Variants in LAMC3 observed in about 807,000 individuals in gnomAD.
The protein encoded by LAMC3 is laminin subunit gamma-3.
In LAMC3, 128 loss-of-function variants were observed where a neutral mutation model predicts 173.8. That is an observed-to-expected ratio of 0.74 (90% CI 0.64 to 0.85). LAMC3 has a LOEUF of 0.85. Among genes scored for constraint, LAMC3 ranks in the 40% least tolerant of loss-of-function variants. The pLI is 0.00. For synonymous variants in LAMC3, 897 were observed against 909.1 expected (o/e 0.99, Z 0.24); for missense variants, 2,022 against 2,156.0 (o/e 0.94, Z 1.23).
At chr9:131,054,003 T>TAAA (rs767164633) in intron 11 of LAMC3, among the ~76,000 whole-genome samples, 1 of 130,322 alleles carries the variant, frequency 7.7e-6, no homozygotes, top group African/African-American at 2.8e-5. Context: ...ACCTTGTCTC[T>TAAA]AAAAAAAAAA....
rs1005454673 is a variant in LAMC3, at chr9:131,029,999, G to C, written c.679-2046G>C. On this transcript the variant is annotated intron_variant, in intron 2 of 27. Transcript: ENST00000361069. This position sits in a 1 kb window ranked among gnomAD's most constrained non-coding sequence, Gnocchi z 4.6. ...TCTGTCGCCCAGGCTGGAGTGCAGTGGCACGATCTTGGCTCACCGCAACCT... is the reference window on the plus strand; with the variant it reads ...TCTGTCGCCCAGGCTGGAGTGCAGTCGCACGATCTTGGCTCACCGCAACCT... 6.6e-6 allele frequency among the ~76,000 whole-genome samples: 1 copy of C among 150,850 alleles called. No homozygotes were observed. Among genetic ancestry groups the C allele is most frequent in the African/African-American group, 2.5e-5 (1 of 40,722 alleles).
intron 24 of LAMC3, 143 bp from the exon 25 acceptor site, chr9:131,085,381 C>CG: frequency 1.3e-6 from 1 of 774,214 alleles, no homozygotes; most frequent in Non-Finnish European, 2.3e-6. Context: ...CCTGAGAAGG[C>CG]GATATGCACG....
intron 24 of LAMC3, among the ~76,000 whole-genome samples, chr9:131,082,683 G>A (rs1216601246): frequency 6.6e-6 from 1 of 152,206 alleles, no homozygotes; most frequent in African/African-American, 2.4e-5. Flanking sequence ...CAAGTATTAC[G>A]ATTCTGCAAG....
chr9:131,079,116 C>T (rs1481116314), intron 22 of LAMC3, 33 bp from the exon 23 acceptor site: 5 of 1,608,318 alleles, frequency 3.1e-6, no homozygotes, highest in Admixed American at 1.7e-5. Context: ...CCTTCCTTTC[C>T]AGGCCCTGCC....
intron 3 of LAMC3, among the ~76,000 whole-genome samples, chr9:131,032,582 TGC>T (rs1833856425): frequency 1.7e-5 from 1 of 60,586 alleles, no homozygotes; most frequent in African/African-American, 5.6e-5. Flanking sequence ...CTCTCTCGCT[TGC>T]TCTCTTTCTC....
chr9:131,060,602 C>A (rs1225905684), intron 12 of LAMC3, among the ~76,000 whole-genome samples: 2 of 151,960 alleles, frequency 1.3e-5, no homozygotes, highest in Non-Finnish European at 2.9e-5. Context: ...CAAATTGCAC[C>A]ACTGCACTCC....
intron 2 of LAMC3, among the ~76,000 whole-genome samples, chr9:131,028,554 A>G (rs1416934028): frequency 1.3e-5 from 2 of 152,162 alleles, no homozygotes; most frequent in Non-Finnish European, 2.9e-5. Flanking sequence ...GGTCCCCAGG[A>G]CCACCCTTGG....
chr9:131,011,786 G>C (rs2133198078), intron 1 of LAMC3, among the ~76,000 whole-genome samples: 1 of 152,234 alleles, frequency 6.6e-6, no homozygotes, highest in South Asian at 2.1e-4. Flanking sequence ...CCATGACAAA[G>C]GGTATCACAT....
chr9:131,039,832 G>A (rs181763114), intron 6 of LAMC3, among the ~76,000 whole-genome samples: 5 of 152,072 alleles, frequency 3.3e-5, no homozygotes, highest in South Asian at 2.1e-4. Context: ...GGGTGGGAGA[G>A]GCTGAGTGTC....
At chr9:131,078,078 C>T (rs75089919) in intron 22 of LAMC3, among the ~76,000 whole-genome samples, 440 of 152,240 alleles carry the variant, frequency 2.9e-3, no homozygotes, top group African/African-American at 8.5e-3. Context: ...GAGCAATGCA[C>T]GAGGTAGCTG....
chr9:131,012,807 G>A (rs1833445959), intron 1 of LAMC3, among the ~76,000 whole-genome samples: 1 of 152,336 alleles, frequency 6.6e-6, no homozygotes, highest in African/African-American at 2.4e-5. Context: ...GGCCAGCTCT[G>A]GCCCGGGGTC....
chr9:131,048,435 CCGTT>C (rs1834217641), intron 8 of LAMC3, among the ~76,000 whole-genome samples: 1 of 152,212 alleles, frequency 6.6e-6, no homozygotes, highest in Non-Finnish European at 1.5e-5. Flanking sequence ...TTTCCCCACT[CCGTT>C]CCTTCCTTCT....
At chr9:131,086,831 A>G (rs548830269) in intron 25 of LAMC3, among the ~76,000 whole-genome samples, 5 of 151,786 alleles carry the variant, frequency 3.3e-5, no homozygotes, top group African/African-American at 1.2e-4. Context: ...TGGAGGTTGC[A>G]GTCAGCCAAA....
chr9:131,015,666 A>AT (rs1231846337), intron 1 of LAMC3, among the ~76,000 whole-genome samples: 1 of 151,670 alleles, frequency 6.6e-6, no homozygotes, highest in Non-Finnish European at 1.5e-5. Context: ...TTTCTTTTTT[A>AT]TTTTTTTGAG....
At chr9:131,049,210 C>T (rs915999155) in intron 9 of LAMC3, 80 bp downstream of exon 9, 1 of 832,486 alleles carries the variant, frequency 1.2e-6, no homozygotes, top group Non-Finnish European at 2.0e-6. Flanking sequence ...ATATTAGAGG[C>T]TGAAAACAAT....
At chr9:131,065,218 A>C (rs1441808114) in intron 13 of LAMC3, among the ~76,000 whole-genome samples, 1 of 152,150 alleles carries the variant, frequency 6.6e-6, no homozygotes, top group African/African-American at 2.4e-5. Context: ...CACTTGGAAC[A>C]AGTATGTTCT....
intron 17 of LAMC3, among the ~76,000 whole-genome samples, chr9:131,070,244 T>C (rs1164621906): frequency 6.6e-6 from 1 of 152,208 alleles, no homozygotes; most frequent in Non-Finnish European, 1.5e-5. Context: ...GGTTAACCCA[T>C]TGGGGTTCCC....
At position 131,091,611 on chromosome 9, in the gene LAMC3, C is replaced by T. The variant is rs1289962447; in HGVS notation, c.4552C>T (p.Gln1518Ter). Residue 1518 changes from glutamine to a stop codon, truncating the protein, a stop_gained, in exon 28 of 28, where the codon CAG becomes TAG. Coordinates refer to ENST00000361069, the MANE Select transcript of LAMC3 (RefSeq NM_006059.4). LOFTEE classifies it high-confidence loss of function. ...GTGGGCACTAGAACGCCTGAGGCTG[C>T]AGCTGGGCTCCCCGGGGTCCTTGCA... The part of the protein sequence containing the change: ...TQWALERLRL[Q>*]LGSPGSLQRK... The T allele has an allele frequency of 6.3e-7, 1 of 1,594,652 alleles. No individual in the cohort carries two copies. Among genetic ancestry groups the T allele is most frequent in the Non-Finnish European group, 8.5e-7 (1 of 1,170,892 alleles).
intron 25 of LAMC3, among the ~76,000 whole-genome samples, chr9:131,086,399 T>C (rs1264645699): frequency 6.6e-6 from 1 of 151,056 alleles, no homozygotes. Context: ...GGTTTTGTTT[T>C]TTTTTTTTGC....
Sources: gnomAD v4.1 joint callset for allele counts (sites outside exome capture counted in the v4.1 genomes callset) on GRCh38, gnomAD v4.1.1 for gene constraint, Gnocchi (gnomAD v3.1) non-coding constraint, MANE v1.5 for transcripts, NCBI Gene and HGNC (gene_info 2026-07-23, HGNC 2026-07-21) for gene names.